CNTN5: variants seen among roughly 807,000 people sequenced by gnomAD.
The protein encoded by CNTN5 is contactin-5.
Under a neutral mutation model 129.1 loss-of-function variants are expected in CNTN5, and 77 were observed. The observed-to-expected ratio is 0.60, with a 90% CI of 0.50 to 0.72. The LOEUF (loss-of-function observed/expected upper bound fraction) is 0.72, where lower values mean the gene tolerates loss of function less well. CNTN5 is among the 30% of genes least tolerant of loss of function. The pLI, the probability that CNTN5 is intolerant of heterozygous loss-of-function variation, is 0.00. For missense variants in CNTN5, 1,478 were observed against 1,328.8 expected (o/e 1.11, Z -1.75); for synonymous variants, 509 against 465.6 (o/e 1.09, Z -1.20).
intron 3 of CNTN5, among the ~76,000 whole-genome samples, chr11:99,719,307 G>A (rs569672999): frequency 2.0e-5 from 3 of 152,034 alleles, no homozygotes; most frequent in South Asian, 4.1e-4. Flanking sequence ...GCGAGAGAAT[G>A]AGACTTTGTC....
chr11:99,194,500 A>G (rs1338668119), intron 1 of CNTN5, among the ~76,000 whole-genome samples: 1 of 152,226 alleles, frequency 6.6e-6, no homozygotes, highest in Non-Finnish European at 1.5e-5. Context: ...GTTCTCTAAT[A>G]TAATAATTTG....
chr11:100,136,156 A>T (rs1300698862), intron 13 of CNTN5, among the ~76,000 whole-genome samples: 1 of 152,232 alleles, frequency 6.6e-6, no homozygotes, highest in South Asian at 2.1e-4. Flanking sequence ...TAAACCCAGG[A>T]TTGTCAAAGC....
chr11:100,011,335 A>T (rs1404950676), intron 9 of CNTN5, among the ~76,000 whole-genome samples: 1 of 152,154 alleles, frequency 6.6e-6, no homozygotes, highest in East Asian at 1.9e-4. Flanking sequence ...CACAAGGGCA[A>T]ACAGGGTTAC....
intron 9 of CNTN5, among the ~76,000 whole-genome samples, chr11:100,050,523 C>T (rs1342231787): frequency 1.3e-5 from 2 of 151,688 alleles, no homozygotes; most frequent in South Asian, 2.1e-4. Flanking sequence ...ATACCTAATG[C>T]TAAATGACGA....
intron 1 of CNTN5, among the ~76,000 whole-genome samples, chr11:99,090,998 G>A (rs1866224081): frequency 7.3e-6 from 1 of 137,614 alleles, no homozygotes; most frequent in African/African-American, 2.8e-5. Context: ...CTCCAGCCTG[G>A]GCGACAGAGC....
At chr11:99,068,615 G>T (rs1865204904) in intron 1 of CNTN5, among the ~76,000 whole-genome samples, 1 of 152,144 alleles carries the variant, frequency 6.6e-6, no homozygotes, top group African/African-American at 2.4e-5. Context: ...TAGGAAACCA[G>T]GCATTTCATT....
intron 10 of CNTN5, among the ~76,000 whole-genome samples, chr11:100,065,915 T>G (rs1943675047): frequency 6.6e-6 from 1 of 152,142 alleles, no homozygotes; most frequent in Non-Finnish European, 1.5e-5. Context: ...ATGTTTTAGC[T>G]GTTAAAGTAT....
chr11:99,907,209 A>G (rs1458504118), intron 6 of CNTN5, among the ~76,000 whole-genome samples: 2 of 151,936 alleles, frequency 1.3e-5, no homozygotes, highest in Admixed American at 6.6e-5. Flanking sequence ...TTTAATTGTG[A>G]TGTTAGAGTG....
chr11:99,037,116 A>C (rs749315853), intron 1 of CNTN5, among the ~76,000 whole-genome samples: 2 of 152,218 alleles, frequency 1.3e-5, no homozygotes, highest in Non-Finnish European at 2.9e-5. Context: ...TATCTTCTTC[A>C]ATCACATAAA....
chr11:99,472,361 A>G (rs559024883), intron 2 of CNTN5, among the ~76,000 whole-genome samples: 1 of 151,724 alleles, frequency 6.6e-6, no homozygotes, highest in Non-Finnish European at 1.5e-5. Context: ...TCATCTTTGT[A>G]CCTTCTTTTC....
intron 3 of CNTN5, among the ~76,000 whole-genome samples, chr11:99,771,466 C>T (rs1388183181): frequency 6.6e-6 from 1 of 151,748 alleles, no homozygotes; most frequent in Non-Finnish European, 1.5e-5. Flanking sequence ...TATTATTTGG[C>T]CATAACAAGC....
At chr11:99,728,528 CT>C (rs1943427722) in intron 3 of CNTN5, among the ~76,000 whole-genome samples, 1 of 152,110 alleles carries the variant, frequency 6.6e-6, no homozygotes, top group Admixed American at 6.6e-5. Flanking sequence ...AATGAAGGTG[CT>C]TTTTAGAAAT....
At chr11:99,849,852 C>G (rs1947816814) in intron 6 of CNTN5, among the ~76,000 whole-genome samples, 1 of 152,076 alleles carries the variant, frequency 6.6e-6, no homozygotes, top group Admixed American at 6.5e-5. Context: ...CTCAATCTTT[C>G]CCTATTCCAG....
chr11:99,386,482 TG>T (rs1436708665), intron 2 of CNTN5, among the ~76,000 whole-genome samples: 7 of 152,264 alleles, frequency 4.6e-5, no homozygotes, highest in Non-Finnish European at 1.0e-4. Flanking sequence ...ATTTGTAAAC[TG>T]TCGTGACACC....
At chr11:99,526,047 G>A (rs1591218362) in intron 2 of CNTN5, among the ~76,000 whole-genome samples, 1 of 152,202 alleles carries the variant, frequency 6.6e-6, no homozygotes, top group Non-Finnish European at 1.5e-5. Context: ...TGAAGATGCA[G>A]TTTAGCTCAT....
intron 3 of CNTN5, among the ~76,000 whole-genome samples, chr11:99,648,687 G>A (rs1451520069): frequency 6.6e-6 from 1 of 151,834 alleles, no homozygotes. Flanking sequence ...AACGAATAAA[G>A]AGAATGTGGT....
chr11:99,504,585 A>G (rs561805903), intron 2 of CNTN5, among the ~76,000 whole-genome samples: 1 of 152,172 alleles, frequency 6.6e-6, no homozygotes, highest in Non-Finnish European at 1.5e-5. Context: ...TACATTTGAG[A>G]CACACTAACA....
chr11:99,146,569 AAC>A (rs1859794993), intron 1 of CNTN5, among the ~76,000 whole-genome samples: 2 of 152,174 alleles, frequency 1.3e-5, no homozygotes, highest in Non-Finnish European at 2.9e-5. Flanking sequence ...TAGGGTTCTA[AAC>A]ACAAATAGTA....
chr11:100,247,157 T>A (rs1949857515), intron 16 of CNTN5, among the ~76,000 whole-genome samples: 1 of 152,124 alleles, frequency 6.6e-6, no homozygotes, highest in Admixed American at 6.6e-5. Flanking sequence ...ATTCAAAATG[T>A]GAAGCCTAAA....
Sources: gnomAD v4.1 joint callset for allele counts (sites outside exome capture counted in the v4.1 genomes callset) on GRCh38, gnomAD v4.1.1 for gene constraint, MANE v1.5 for transcripts, NCBI Gene and HGNC (gene_info 2026-07-23, HGNC 2026-07-21) for gene names.